The following CLSTN2 variants were observed in gnomAD, a reference collection of about 807,000 sequenced individuals.
CLSTN2 encodes calsyntenin-2.
In CLSTN2, 48 loss-of-function variants were observed where a neutral mutation model predicts 101.2. The observed-to-expected ratio is 0.47, with a 90% CI of 0.38 to 0.60. The LOEUF is 0.60. Ranked by LOEUF, CLSTN2 falls within the 20% of genes least tolerant of loss-of-function variation. The probability of loss-of-function intolerance (pLI) is 0.00; values close to 1 mark genes in which losing one functional copy is unlikely to be tolerated. For synonymous variants in CLSTN2, 481 were observed against 463.6 expected (o/e 1.04, Z -0.48); for missense variants, 1,160 against 1,238.2 (o/e 0.94, Z 0.95).
At chr3:140,004,128 T>C (rs1244409790) in intron 1 of CLSTN2, among the ~76,000 whole-genome samples, 1 of 152,264 alleles carries the variant, frequency 6.6e-6, no homozygotes, top group Non-Finnish European at 1.5e-5. Context: ...TCATATTTTA[T>C]ACATCAAGCA....
intron 8 of CLSTN2, among the ~76,000 whole-genome samples, chr3:140,471,846 T>C (rs1933856279): frequency 6.6e-6 from 1 of 152,222 alleles, no homozygotes; most frequent in African/African-American, 2.4e-5. Context: ...CTATGTAAAA[T>C]TTCTCAACTT....
At chr3:140,507,297 G>A (rs919361388) in intron 8 of CLSTN2, 1 of 152,164 alleles carries the variant, frequency 6.6e-6, no homozygotes, top group Non-Finnish European at 1.5e-5. Context: ...TTCTGTTTGA[G>A]GCACAGACAG....
rs1183526376 is a variant in CLSTN2, at chr3:140,173,750, T to G, written c.110-2201T>G. Among the ~76,000 whole-genome samples, 12 of 152,326 alleles carry G rather than the reference T, an allele frequency of 7.9e-5. No homozygotes were observed. In the East Asian group the frequency reaches 2.3e-3, roughly 29 times the overall value. ...GTGGAAGCCACCAAGACTTGGCGCT[T>G]GCACCATCTGAAGCCATGGCCTGAG... On this transcript the variant is annotated intron_variant, in intron 1 of 16. Transcript: ENST00000458420.
intron 2 of CLSTN2, among the ~76,000 whole-genome samples, chr3:140,183,171 A>G (rs2010434604): frequency 6.6e-6 from 1 of 152,204 alleles, no homozygotes; most frequent in Admixed American, 6.5e-5. Flanking sequence ...TTTCTTAATA[A>G]GAAGACTATT....
intron 2 of CLSTN2, among the ~76,000 whole-genome samples, chr3:140,189,031 C>A (rs1040800371): frequency 6.6e-6 from 1 of 152,096 alleles, no homozygotes; most frequent in Non-Finnish European, 1.5e-5. Flanking sequence ...CAGTAAGCAA[C>A]CTTTTAGAAT....
intron 1 of CLSTN2, among the ~76,000 whole-genome samples, chr3:140,090,782 CAGAA>C (rs1464980804): frequency 6.6e-6 from 1 of 152,046 alleles, no homozygotes. Context: ...AATCAAGACT[CAGAA>C]GCAGGCTGGA....
chr3:140,378,996 G>T (rs1444376471), intron 2 of CLSTN2, among the ~76,000 whole-genome samples: 2 of 152,174 alleles, frequency 1.3e-5, no homozygotes, highest in African/African-American at 4.8e-5. Flanking sequence ...ATGAGCTTGA[G>T]ATCTGAAGTC....
At chr3:140,497,596 G>A (rs1934494143) in intron 8 of CLSTN2, among the ~76,000 whole-genome samples, 1 of 152,184 alleles carries the variant, frequency 6.6e-6, no homozygotes, top group Non-Finnish European at 1.5e-5. Context: ...CAAGCCAGTG[G>A]GTCCTAACTT....
intron 2 of CLSTN2, among the ~76,000 whole-genome samples, chr3:140,376,305 T>C (rs528169652): frequency 6.6e-6 from 1 of 152,328 alleles, no homozygotes; most frequent in African/African-American, 2.4e-5. Flanking sequence ...CAGCTATAGA[T>C]GACAGAGGGC....
At chr3:140,071,598 G>A (rs1449616372) in intron 1 of CLSTN2, among the ~76,000 whole-genome samples, 4 of 152,208 alleles carry the variant, frequency 2.6e-5, no homozygotes, top group African/African-American at 9.6e-5. Context: ...TTGGGAGGCT[G>A]AGGCGGGTGG....
intron 2 of CLSTN2, among the ~76,000 whole-genome samples, chr3:140,338,936 G>T (rs1231973897): frequency 6.6e-6 from 1 of 152,202 alleles, no homozygotes; most frequent in African/African-American, 2.4e-5. Context: ...TATCTAATGA[G>T]CTGGGGAGCA....
chr3:140,151,626 G>A (rs899978706), intron 1 of CLSTN2, among the ~76,000 whole-genome samples: 1 of 152,032 alleles, frequency 6.6e-6, no homozygotes, highest in Non-Finnish European at 1.5e-5. Flanking sequence ...TACGACATGG[G>A]AAGACAATCA....
intron 1 of CLSTN2, among the ~76,000 whole-genome samples, chr3:140,078,438 C>A (rs914962398): frequency 1.3e-5 from 2 of 152,226 alleles, no homozygotes; most frequent in Admixed American, 6.5e-5. Flanking sequence ...ACTACTGAGA[C>A]CATTACAAAA....
At chr3:139,989,318 A>G (rs1050716603) in intron 1 of CLSTN2, among the ~76,000 whole-genome samples, 3 of 152,068 alleles carry the variant, frequency 2.0e-5, no homozygotes, top group African/African-American at 7.2e-5. Flanking sequence ...TCACAGCTCT[A>G]TACTTCCTCT....
chr3:140,211,037 G>C (rs960255842), intron 2 of CLSTN2, among the ~76,000 whole-genome samples: 2 of 152,148 alleles, frequency 1.3e-5, no homozygotes, highest in Admixed American at 6.5e-5. Context: ...GTAGGCTTGG[G>C]GTCGGTATGT....
chr3:140,051,039 C>A (rs1034131052), intron 1 of CLSTN2, among the ~76,000 whole-genome samples: 1 of 152,204 alleles, frequency 6.6e-6, no homozygotes, highest in African/African-American at 2.4e-5. Flanking sequence ...TTGAACACAG[C>A]GTCTAACATT....
intron 2 of CLSTN2, among the ~76,000 whole-genome samples, chr3:140,191,999 A>G (rs868858932): frequency 9.9e-5 from 15 of 151,810 alleles, no homozygotes; most frequent in African/African-American, 3.4e-4. Context: ...TCACTGCTTT[A>G]GCTGTATCCC....
intron 8 of CLSTN2, among the ~76,000 whole-genome samples, chr3:140,521,715 C>CTATA (rs1935028838): frequency 6.6e-6 from 1 of 152,208 alleles, no homozygotes; most frequent in Admixed American, 6.5e-5. Flanking sequence ...AGCCAGCAGG[C>CTATA]TATAACAGCT....
chr3:139,988,143 G>C (rs915253971), intron 1 of CLSTN2, among the ~76,000 whole-genome samples: 5 of 152,186 alleles, frequency 3.3e-5, no homozygotes, highest in Non-Finnish European at 7.3e-5. Flanking sequence ...GGCTGGAGCT[G>C]GTGCAGCGCT....
Sources: gnomAD v4.1 joint callset for allele counts (sites outside exome capture counted in the v4.1 genomes callset) on GRCh38, gnomAD v4.1.1 for gene constraint, MANE v1.5 for transcripts, NCBI Gene and HGNC (gene_info 2026-07-23, HGNC 2026-07-21) for gene names.